CDH13: variants seen among roughly 807,000 people sequenced by gnomAD.
CDH13 encodes cadherin-13.
CDH13 carries 24 observed loss-of-function variants against 63.8 expected under a neutral mutation model. That is an observed-to-expected ratio of 0.38 (90% CI 0.27 to 0.53). The LOEUF (loss-of-function observed/expected upper bound fraction) is 0.53, where lower values mean the gene tolerates loss of function less well. Among genes scored for constraint, CDH13 ranks in the 20% least tolerant of loss-of-function variants. The pLI, the probability that CDH13 is intolerant of heterozygous loss-of-function variation, is 0.85. For missense variants in CDH13, 1,049 were observed against 903.1 expected, an observed-to-expected ratio of 1.16 and a Z score of -2.07; for synonymous variants, 503 against 355.3, an observed-to-expected ratio of 1.42 and a Z score of -4.67.
intron 6 of CDH13, among the ~76,000 whole-genome samples, chr16:83,389,555 A>G (rs2091744073): frequency 6.6e-6 from 1 of 152,066 alleles, no homozygotes; most frequent in African/African-American, 2.4e-5. Context: ...CCTTTATTTT[A>G]TTCTCCACAT....
chr16:83,175,028 G>A (rs1033239934), intron 4 of CDH13, among the ~76,000 whole-genome samples: 5 of 152,030 alleles, frequency 3.3e-5, no homozygotes, highest in Non-Finnish European at 4.4e-5. Context: ...GGGACACAGA[G>A]CCAAACCATA....
intron 6 of CDH13, among the ~76,000 whole-genome samples, chr16:83,476,541 C>T (rs538815443): frequency 7.6e-4 from 115 of 152,220 alleles, no homozygotes; most frequent in African/African-American, 1.9e-3. Context: ...GGCGTGGTGG[C>T]GCATGCCTGC....
At chr16:83,168,478 C>A (rs568128509) in intron 4 of CDH13, among the ~76,000 whole-genome samples, 1 of 152,150 alleles carries the variant, frequency 6.6e-6, no homozygotes, top group Admixed American at 6.5e-5. Context: ...GTAGCTATTT[C>A]ATGAATAGAT....
intron 6 of CDH13, among the ~76,000 whole-genome samples, chr16:83,419,128 TG>T (rs2071638648): frequency 6.6e-6 from 1 of 152,138 alleles, no homozygotes. Flanking sequence ...CCCTGACAGC[TG>T]TCGTTTTGTG....
chr16:83,787,455 C>T (rs462157), intron 13 of CDH13, among the ~76,000 whole-genome samples: 99,433 of 152,132 alleles, frequency 0.65, 32,968 homozygotes, highest in South Asian at 0.76. Flanking sequence ...ATTTACTCCT[C>T]CTGCTGGAGG....
intron 5 of CDH13, among the ~76,000 whole-genome samples, chr16:83,254,587 C>T (rs1205544658): frequency 6.6e-6 from 1 of 152,172 alleles, no homozygotes; most frequent in African/African-American, 2.4e-5. Flanking sequence ...TCTTTTTTCT[C>T]TGATCCTTGT....
intron 1 of CDH13, among the ~76,000 whole-genome samples, chr16:82,803,848 A>T (rs2037000214): frequency 6.6e-6 from 1 of 152,214 alleles, no homozygotes; most frequent in African/African-American, 2.4e-5. Flanking sequence ...GTGGGTATAA[A>T]GCATCAATTA....
chr16:83,663,650 A>G (rs57055514), intron 8 of CDH13, among the ~76,000 whole-genome samples: 11,413 of 152,248 alleles, frequency 0.075, 695 homozygotes, highest in African/African-American at 0.17. Flanking sequence ...CAGGAGCTCA[A>G]CAATGGGAGA....
At chr16:83,062,231 C>A (rs1277306686) in intron 3 of CDH13, among the ~76,000 whole-genome samples, 1 of 152,194 alleles carries the variant, frequency 6.6e-6, no homozygotes, top group East Asian at 1.9e-4. Flanking sequence ...TATCAACTTA[C>A]TTAAATTGAG....
chr16:83,609,905 C>G (rs575636910), intron 8 of CDH13, among the ~76,000 whole-genome samples: 1 of 151,874 alleles, frequency 6.6e-6, no homozygotes. Context: ...CTGGCCACCA[C>G]TGATCTACTG....
intron 7 of CDH13, among the ~76,000 whole-genome samples, chr16:83,575,282 C>G (rs566921729): frequency 1.3e-5 from 2 of 152,334 alleles, no homozygotes; most frequent in African/African-American, 4.8e-5. Context: ...GAATTGTACA[C>G]TTTAAATAGG....
intron 3 of CDH13, among the ~76,000 whole-genome samples, chr16:83,087,356 A>G (rs1049681199): frequency 1.3e-5 from 2 of 152,276 alleles, no homozygotes; most frequent in South Asian, 2.1e-4. Context: ...AAAATATCCT[A>G]TACTCATTTT....
chr16:83,183,873 A>C (rs1374348834), intron 4 of CDH13, among the ~76,000 whole-genome samples: 1 of 152,192 alleles, frequency 6.6e-6, no homozygotes, highest in Non-Finnish European at 1.5e-5. Context: ...TGAGTGAAGC[A>C]GACATTAGGT....
intron 2 of CDH13, among the ~76,000 whole-genome samples, chr16:83,013,965 C>A (rs916496234): frequency 6.6e-6 from 1 of 152,094 alleles, no homozygotes; most frequent in Non-Finnish European, 1.5e-5. Flanking sequence ...TCTGTATAAG[C>A]ACGTCTTCAT....
intron 1 of CDH13, among the ~76,000 whole-genome samples, chr16:82,745,265 C>G (rs58786779): frequency 6.6e-6 from 1 of 151,950 alleles, no homozygotes; most frequent in African/African-American, 2.4e-5. Flanking sequence ...AGGAAGAAAT[C>G]CAAGCTTCAG....
At position 82,883,252 on chromosome 16, in the gene CDH13, A is replaced by G. The variant is rs368210289; in HGVS notation, c.157+24779A>G. ...AGCAGGCAGTGTCATCTCATGATCT[A>G]TTGCTATTGTATGTGAAATGCTTTC... On this transcript the variant is annotated intron_variant, in intron 2 of 13. Transcript: ENST00000567109. Among the ~76,000 whole-genome samples the G allele has an allele frequency of 2.8e-4, 42 of 152,346 alleles. No homozygotes were observed. In the South Asian group the frequency reaches 6.8e-3, roughly 25 times the overall value.
At chr16:83,652,203 G>A (rs17689171) in intron 8 of CDH13, among the ~76,000 whole-genome samples, 15,098 of 152,268 alleles carry the variant, frequency 0.099, 934 homozygotes, top group Non-Finnish European at 0.14. Context: ...TGGATTTAGA[G>A]CAGTTTCTTC....
chr16:83,650,675 G>A (rs899978626), intron 8 of CDH13, among the ~76,000 whole-genome samples: 4 of 152,168 alleles, frequency 2.6e-5, no homozygotes, highest in South Asian at 2.1e-4. Flanking sequence ...CCAATGCACA[G>A]GGCAGCCCCC....
At chr16:82,810,168 G>A (rs2037370789) in intron 1 of CDH13, among the ~76,000 whole-genome samples, 1 of 152,220 alleles carries the variant, frequency 6.6e-6, no homozygotes, top group African/African-American at 2.4e-5. Context: ...TAAATGAGAT[G>A]TTATCCAGAG....
Sources: gnomAD v4.1 joint callset for allele counts (sites outside exome capture counted in the v4.1 genomes callset) on GRCh38, gnomAD v4.1.1 for gene constraint, MANE v1.5 for transcripts, NCBI Gene and HGNC (gene_info 2026-07-23, HGNC 2026-07-21) for gene names.